HNRNPM: variants seen among roughly 807,000 people sequenced by gnomAD.
HNRNPM encodes the protein heterogeneous nuclear ribonucleoprotein M, also known as CEA receptor.
In HNRNPM, 11 loss-of-function variants were observed where a neutral mutation model predicts 73.1. That is an observed-to-expected ratio of 0.15 (90% CI 0.09 to 0.25). HNRNPM has a LOEUF of 0.25. Ranked by LOEUF, HNRNPM falls within the 10% of genes least tolerant of loss-of-function variation. The pLI is 1.00. For synonymous variants in HNRNPM, 407 were observed against 355.2 expected (o/e 1.15, Z -1.64); for missense variants, 789 against 1,067.9 (o/e 0.74, Z 3.64).
At chr19:8,467,742 G>A (rs1445588231) in intron 8 of HNRNPM, among the ~76,000 whole-genome samples, 158 bp downstream of exon 8, 1 of 152,188 alleles carries the variant, frequency 6.6e-6, no homozygotes, top group African/African-American at 2.4e-5. Context: ...ATAACATTTT[G>A]CTGGTCAGGC....
rs773608128 is a variant in HNRNPM at position 8,445,019 on chromosome 19, G to C, written c.21G>C (p.Ala7=). ...AGAAAATGGCGGCAGGGGTCGAAGC[G>C]GCGGCGGAGGTGGCGGCGACGGAGA... MAAGVE[A]AAEVAATEIK... is the part of the protein sequence containing the mutation. The change falls in exon 1 of 16, where the codon GCG becomes GCC. Residue 7 remains alanine (A), a synonymous_variant. Coordinates refer to ENST00000325495, the MANE Select transcript of HNRNPM (RefSeq NM_005968.5). 2 of 1,424,072 alleles carry C rather than the reference G, an allele frequency of 1.4e-6. No individual in the cohort carries two copies. The highest frequency in any genetic ancestry group is 1.8e-6 in the Non-Finnish European group (2 of 1,091,280). The allele number at this position is 1,424,072 out of a possible 1,614,324, so 88.2% of individuals were successfully genotyped here.
chr19:8,473,375 T>G (rs1780292685), intron 10 of HNRNPM, among the ~76,000 whole-genome samples: 1 of 152,006 alleles, frequency 6.6e-6, no homozygotes, highest in Non-Finnish European at 1.5e-5. Flanking sequence ...GCAGGAGAAT[T>G]GCTTGAACCC....
At chr19:8,452,972 C>G (rs1351556803) in intron 1 of HNRNPM, among the ~76,000 whole-genome samples, 1 of 151,676 alleles carries the variant, frequency 6.6e-6, no homozygotes, top group Non-Finnish European at 1.5e-5. Flanking sequence ...TCCTGAGTAG[C>G]TGGGACTACA....
chr19:8,478,095 T>A (rs1970645402), intron 12 of HNRNPM, among the ~76,000 whole-genome samples: 1 of 152,234 alleles, frequency 6.6e-6, no homozygotes, highest in South Asian at 2.1e-4. Flanking sequence ...TTAGCTGCAC[T>A]GCAGGGGACC....
At chr19:8,481,025 A>G (rs1672317117) in intron 12 of HNRNPM, among the ~76,000 whole-genome samples, 1 of 152,066 alleles carries the variant, frequency 6.6e-6, no homozygotes, top group African/African-American at 2.4e-5. Flanking sequence ...TCAAGATTCA[A>G]TTCTTGACCT....
intron 2 of HNRNPM, among the ~76,000 whole-genome samples, chr19:8,458,108 A>G (rs932329344): frequency 6.6e-6 from 1 of 151,976 alleles, no homozygotes; most frequent in Non-Finnish European, 1.5e-5. Flanking sequence ...GAGAGGCCCA[A>G]GAGGGGAGCT....
intron 12 of HNRNPM, among the ~76,000 whole-genome samples, chr19:8,475,735 A>T (rs919066106): frequency 8.5e-5 from 13 of 152,138 alleles, no homozygotes; most frequent in African/African-American, 2.4e-4. Flanking sequence ...TTTAATTTTT[A>T]AAAAAAGTTT....
Position 8,486,207 on chromosome 19 carries a change from C to CCTGGAGCGCATGGGTGCCAACAG in HNRNPM, c.1780_1781insTGGAGCGCATGGGTGCCAACAGC (p.Pro594LeufsTer72), listed in dbSNP as rs1971291218. On this transcript the variant is annotated frameshift_variant, in exon 14 of 16. Coordinates refer to ENST00000325495, the MANE Select transcript of HNRNPM (RefSeq NM_005968.5). LOFTEE classifies it high-confidence loss of function. ...GTGCCAACAGCCTCGAGCGCATGGG[C>CCTGGAGCGCATGGGTGCCAACAG]CCTGCCATGGGCCCGGCCCTGGGCG... 2.5e-6 allele frequency: 4 copies of CCTGGAGCGCATGGGTGCCAACAG among 1,579,232 alleles called. No homozygotes were observed. Among genetic ancestry groups the CCTGGAGCGCATGGGTGCCAACAG allele is most frequent in the African/African-American group, 1.3e-5 (1 of 74,326 alleles).
At chr19:8,445,833 G>A (rs1049029559) in intron 1 of HNRNPM, among the ~76,000 whole-genome samples, 3 of 152,274 alleles carry the variant, frequency 2.0e-5, no homozygotes, top group Admixed American at 6.5e-5. Context: ...ACCCTCGGAA[G>A]CAGACAGATA....
rs377473478 is a variant in HNRNPM at position 8,463,566 on chromosome 19, T to A, written c.345-27T>A. 8 of 1,612,582 alleles carry A rather than the reference T, an allele frequency of 5.0e-6. No individual in the cohort carries two copies. The African/African-American group carries it at 1.1e-4, about 22-fold the overall frequency. On this transcript the variant is annotated intron_variant, in intron 4 of 15. Transcript: ENST00000325495. Reference sequence around the variant, plus strand: ...TTCTAACTTGTAGGACTGGTTTCACTCGACTCGTTTCCTTTTGACTCTATA... The same window carrying A: ...TTCTAACTTGTAGGACTGGTTTCACACGACTCGTTTCCTTTTGACTCTATA...
chr19:8,489,076 T>G lies in HNRNPM; in HGVS notation c.*222T>G. ...TTGTAGTTGTGGCATCTTGTTGACA[T>G]CGAATATGACTTTGATAATAAATAC... On this transcript the variant is annotated 3_prime_UTR_variant, in exon 16 of 16. Coordinates refer to ENST00000325495, the MANE Select transcript of HNRNPM (RefSeq NM_005968.5). 1 of 480,438 alleles carries G rather than the reference T, an allele frequency of 2.1e-6. No individual in the cohort carries two copies. The highest frequency in any genetic ancestry group is 3.8e-6 in the Non-Finnish European group (1 of 266,328). 29.8% of individuals were successfully genotyped at this position (480,438 alleles called of 1,614,324 possible). A position where few individuals can be genotyped will look rare whatever the true frequency, so the allele number is the denominator to read the frequency against.
At chr19:8,463,352 C>T (rs1355306071) in intron 3 of HNRNPM, 145 bp from the exon 4 acceptor site, 2 of 917,610 alleles carry the variant, frequency 2.2e-6, no homozygotes, top group African/African-American at 1.7e-5. Context: ...TCAGCTTCCC[C>T]TTAGAAGGGT....
intron 1 of HNRNPM, 92 bp downstream of exon 1, chr19:8,445,203 C>T: frequency 2.6e-6 from 3 of 1,140,790 alleles, no homozygotes; most frequent in East Asian, 3.2e-5. Context: ...GCGGCCTAGC[C>T]CCGGCGCGGC....
chr19:8,448,395 T>C (rs950370244), intron 1 of HNRNPM, among the ~76,000 whole-genome samples: 1 of 152,008 alleles, frequency 6.6e-6, no homozygotes, highest in Non-Finnish European at 1.5e-5. Flanking sequence ...TTTAGGGGAA[T>C]GTATAGGTTT....
At chr19:8,447,731 G>GA (rs1485151812) in intron 1 of HNRNPM, among the ~76,000 whole-genome samples, 2 of 151,890 alleles carry the variant, frequency 1.3e-5, no homozygotes, top group East Asian at 1.9e-4. Context: ...CCAAAAAAAA[G>GA]AAAAAACAAA....
chr19:8,446,009 G>A (rs918994692), intron 1 of HNRNPM, among the ~76,000 whole-genome samples: 5 of 152,158 alleles, frequency 3.3e-5, no homozygotes, highest in Admixed American at 1.3e-4. Context: ...ATCGACTTGT[G>A]CCCCGGTGAA....
Position 8,455,456 on chromosome 19 carries a change from A to G in HNRNPM, c.165A>G (p.Lys55=), listed in dbSNP as rs1184049345. ...AGAAGAGGAAGGAGAAAAACATAAA[A>G]AGAGGAGGCAATCGCTTTGAGCCAT... ...QNEKRKEKNI[K]RGGNRFEPYA... The change falls in exon 2 of 16, where the codon AAA becomes AAG. Residue 55 remains lysine (K), a synonymous_variant. Coordinates refer to ENST00000325495, the MANE Select transcript of HNRNPM (RefSeq NM_005968.5). 1 of 1,614,144 alleles carries G rather than the reference A, an allele frequency of 6.2e-7. No individual in the cohort carries two copies. The highest frequency in any genetic ancestry group is 2.2e-5 in the East Asian group (1 of 44,888).
intron 1 of HNRNPM, among the ~76,000 whole-genome samples, chr19:8,445,761 C>G (rs1197384459): frequency 6.6e-6 from 1 of 152,252 alleles, no homozygotes; most frequent in Non-Finnish European, 1.5e-5. Flanking sequence ...CCGTTTCCCG[C>G]TCCTCCTCCC....
chr19:8,484,891 C>T (rs1971163840), intron 13 of HNRNPM, among the ~76,000 whole-genome samples: 1 of 152,122 alleles, frequency 6.6e-6, no homozygotes, highest in South Asian at 2.1e-4. Flanking sequence ...TGCTGACTGA[C>T]CCCCAGCCGC....
Sources: allele counts gnomAD v4.1 joint callset (sites outside exome capture counted in the v4.1 genomes callset), GRCh38; gene constraint gnomAD v4.1.1; transcripts MANE v1.5; gene names NCBI Gene and HGNC (gene_info 2026-07-23, HGNC 2026-07-21).